STARD9: variants seen among roughly 807,000 people sequenced by gnomAD.
STARD9 encodes the protein StAR related lipid transfer domain containing 9.
A neutral mutation model predicts 399.8 loss-of-function variants in STARD9; 346 were observed. The observed-to-expected ratio is 0.87, with a 90% CI of 0.79 to 0.95. STARD9 has a LOEUF of 0.95. Ranked by LOEUF, STARD9 falls within the 40% of genes least tolerant of loss-of-function variation. STARD9 has a pLI of 0.00. For synonymous variants in STARD9, 2,203 were observed against 2,143.5 expected (o/e 1.03, Z -0.77); for missense variants, 5,832 against 5,667.5 (o/e 1.03, Z -0.93).
rs536789350 is a variant in STARD9, at chr15:42,607,462, C to T, written c.234+21825C>T. On this transcript the variant is annotated intron_variant, in intron 3 of 32. Transcript: ENST00000290607. ...AAGTGATCTGCCCACCTCACCCTCC[C>T]AAAGTGCTGGGATGACAGGTGTGAG... Among the ~76,000 whole-genome samples the T allele has an allele frequency of 2.0e-5, 3 of 151,978 alleles. No individual in the cohort carries two copies. The South Asian group carries it at 6.3e-4, about 32-fold the overall frequency.
rs1566951772 is a variant in STARD9, at chr15:42,694,216, C to T, written c.12638C>T (p.Thr4213Ile). 5 of 1,535,720 alleles carry T rather than the reference C, an allele frequency of 3.3e-6. No homozygotes were observed. Among genetic ancestry groups the T allele is most frequent in the Non-Finnish European group, 4.4e-6 (5 of 1,146,146 alleles). Residue 4213 changes from threonine (T) to isoleucine (I), a missense_variant, in exon 23 of 33, where the codon ACA becomes ATA. This residue lies in a region of STARD9 where 5,828 missense variants were observed against 5,651.1 expected (regional missense o/e 1.03). Transcript: ENST00000290607. ...AQNLSLSVEL[T>I]EAKLHHGFGE... ...AACCTCTCACTCAGCGTGGAACTCACAGAAGCGAAACTGCACCATGGCTTT... is the reference window on the plus strand; with the variant it reads ...AACCTCTCACTCAGCGTGGAACTCATAGAAGCGAAACTGCACCATGGCTTT...
intron 26 of STARD9, among the ~76,000 whole-genome samples, chr15:42,702,021 A>AATGC (rs1344877349): frequency 6.8e-6 from 1 of 146,456 alleles, no homozygotes; most frequent in Admixed American, 6.8e-5. Flanking sequence ...AAAAAAGCTG[A>AATGC]ATGCATGACC....
At position 42,687,842 on chromosome 15, in the gene STARD9, C is replaced by G. The variant is rs2060599173; in HGVS notation, c.6264C>G (p.Asp2088Glu). The change falls in exon 23 of 33, where the codon GAC becomes GAG. Residue 2088 changes from aspartate (D) to glutamate (E), a missense_variant. By Grantham distance (45) the Asp-to-Glu change is conservative. This residue lies in a region of STARD9 where 5,828 missense variants were observed against 5,651.1 expected (regional missense o/e 1.03). Transcript: ENST00000290607. ...PGTDKELVFQ[D>E]QKEQEKTDHA... ...CCGATAAGGAGTTGGTGTTCCAGGA[C>G]CAGAAGGAGCAGGAGAAGACTGACC... is the stretch of plus-strand genomic sequence containing the variant. 6.5e-7 allele frequency: 1 copy of G among 1,537,316 alleles called. No homozygotes were observed. The highest frequency in any genetic ancestry group is 8.7e-7 in the Non-Finnish European group (1 of 1,146,978).
chr15:42,680,971 G>A (rs1469347036), intron 20 of STARD9, among the ~76,000 whole-genome samples: 1 of 152,188 alleles, frequency 6.6e-6, no homozygotes, highest in Non-Finnish European at 1.5e-5. Context: ...GAATGGAGGT[G>A]CAGTAACAAT....
intron 9 of STARD9, among the ~76,000 whole-genome samples, chr15:42,653,522 C>G (rs1021990162): frequency 6.6e-6 from 1 of 152,122 alleles, no homozygotes; most frequent in Non-Finnish European, 1.5e-5. Context: ...ATCTTAAAAA[C>G]AGCTAGAGAA....
chr15:42,710,473 T>C (rs1475217914), intron 26 of STARD9, among the ~76,000 whole-genome samples: 1 of 152,196 alleles, frequency 6.6e-6, no homozygotes, highest in Non-Finnish European at 1.5e-5. Context: ...ACCCCCCTAG[T>C]TATTCCCTAA....
intron 26 of STARD9, among the ~76,000 whole-genome samples, chr15:42,699,392 C>CTTTTTTTTTTTTTTTTTTTTCT (rs34614271): frequency 1.8e-5 from 2 of 113,280 alleles, no homozygotes; most frequent in African/African-American, 8.2e-5. Flanking sequence ...TTTTTCTTTT[C>CTTTTTTTTTTTTTTTTTTTTCT]TTTTTTTTTT....
At chr15:42,618,539 A>G (rs1381290463) in intron 3 of STARD9, among the ~76,000 whole-genome samples, 1 of 152,120 alleles carries the variant, frequency 6.6e-6, no homozygotes, top group Non-Finnish European at 1.5e-5. Flanking sequence ...ATCACTATGC[A>G]TGAATGTCCT....
intron 4 of STARD9, 60 bp downstream of exon 4, chr15:42,635,032 C>T: frequency 2.4e-6 from 2 of 850,608 alleles, no homozygotes; most frequent in Non-Finnish European, 3.6e-6. Context: ...TTGCATTGTC[C>T]TTACTACTGT....
At chr15:42,673,935 C>T (rs1182816232) in intron 16 of STARD9, 1 of 456,480 alleles carries the variant, frequency 2.2e-6, no homozygotes, top group East Asian at 6.9e-5. Flanking sequence ...AATCTGGTGT[C>T]TGTTAAACTT....
In STARD9 at chr15:42,575,774, C is replaced by T. The variant is rs1056075849; in HGVS notation, c.47+12C>T. On this transcript the variant is annotated intron_variant, in intron 1 of 32. Coordinates refer to ENST00000290607, the MANE Select transcript of STARD9 (RefSeq NM_020759.3). ...CCGCTCAGCAAGAGGTGAGTCTCCGCGGGAGAGGGCGCCTGAGGCTTCACA... is the reference window on the plus strand; with the variant it reads ...CCGCTCAGCAAGAGGTGAGTCTCCGTGGGAGAGGGCGCCTGAGGCTTCACA... 94 of 1,536,702 alleles carry T rather than the reference C, an allele frequency of 6.1e-5. No homozygotes were observed. The highest frequency in any genetic ancestry group is 7.2e-5 in the Non-Finnish European group (83 of 1,146,676).
chr15:42,663,204 C>G (rs1357883172), intron 11 of STARD9, 77 bp from the exon 12 acceptor site: 50 of 1,299,278 alleles, frequency 3.8e-5, no homozygotes, highest in Non-Finnish European at 5.1e-5. Flanking sequence ...AGTCTGTGTT[C>G]TCCAACCATT....
intron 17 of STARD9, 67 bp from the exon 18 acceptor site, chr15:42,674,760 G>A (rs2060274977): frequency 6.9e-7 from 1 of 1,458,942 alleles, no homozygotes; most frequent in Non-Finnish European, 9.0e-7. Flanking sequence ...TGATCTCACA[G>A]AAAGAAATGG....
intron 9 of STARD9, among the ~76,000 whole-genome samples, chr15:42,658,663 A>G (rs2059928792): frequency 6.7e-6 from 1 of 149,014 alleles, no homozygotes; most frequent in Admixed American, 6.7e-5. Context: ...TTGTATTTTT[A>G]GTAGAGACGG....
chr15:42,647,083 C>T (rs1414579468), intron 7 of STARD9, among the ~76,000 whole-genome samples: 1 of 152,120 alleles, frequency 6.6e-6, no homozygotes, highest in Non-Finnish European at 1.5e-5. Context: ...GATTACTGGT[C>T]ACAGATCATC....
intron 20 of STARD9, among the ~76,000 whole-genome samples, chr15:42,676,980 C>T (rs1346513085): frequency 1.3e-5 from 2 of 150,272 alleles, no homozygotes; most frequent in African/African-American, 2.5e-5. Flanking sequence ...GGGCTGGGCA[C>T]GGTGGCTCCT....
chr15:42,716,156 T>C (rs529037019), intron 26 of STARD9, among the ~76,000 whole-genome samples: 55 of 152,214 alleles, frequency 3.6e-4, no homozygotes, highest in African/African-American at 1.3e-3. Context: ...GGTGACCACA[T>C]TGCAGATCCA....
Position 42,685,688 on chromosome 15 carries a change from G to A in STARD9, c.4110G>A (p.Lys1370=). ...SPDMQEFHSC[K]GERPGYWPNT... ...ATATGCAGGAATTTCACTCCTGTAAGGGGGAGAGGCCTGGATACTGGCCAA... is the reference window on the plus strand; with the variant it reads ...ATATGCAGGAATTTCACTCCTGTAAAGGGGAGAGGCCTGGATACTGGCCAA... The change falls in exon 23 of 33, where the codon AAG becomes AAA. Residue 1370 remains lysine (K), a synonymous_variant. Coordinates refer to ENST00000290607, the MANE Select transcript of STARD9 (RefSeq NM_020759.3). 1 of 1,537,400 alleles carries A rather than the reference G, an allele frequency of 6.5e-7. No individual in the cohort carries two copies. Among genetic ancestry groups the A allele is most frequent in the Non-Finnish European group, 8.7e-7 (1 of 1,146,954 alleles).
At chr15:42,642,280 C>G (rs2059553946) in intron 7 of STARD9, among the ~76,000 whole-genome samples, 1 of 152,120 alleles carries the variant, frequency 6.6e-6, no homozygotes, top group Non-Finnish European at 1.5e-5. Context: ...TGAGATGGAC[C>G]TTGATAGCTA....
Sources: gnomAD v4.1 joint callset for allele counts (sites outside exome capture counted in the v4.1 genomes callset) on GRCh38, gnomAD v4.1.1 for gene constraint, gnomAD v4.1.1 regional missense constraint, MANE v1.5 for transcripts, NCBI Gene and HGNC (gene_info 2026-07-23, HGNC 2026-07-21) for gene names.